Variants in CIITA observed in about 807,000 individuals in gnomAD.
CIITA encodes class II major histocompatibility complex transactivator.
A neutral mutation model predicts 115.1 loss-of-function variants in CIITA; 72 were observed. The observed-to-expected ratio is 0.63, with a 90% CI of 0.52 to 0.76. CIITA has a LOEUF of 0.76. Among genes scored for constraint, CIITA ranks in the 30% least tolerant of loss-of-function variants. CIITA has a pLI of 0.00. For synonymous variants in CIITA, 763 were observed against 635.6 expected (o/e 1.20, Z -3.02); for missense variants, 1,617 against 1,463.8 (o/e 1.10, Z -1.71).
At chr16:10,877,663 G>C (rs541186544) in intron 1 of CIITA, among the ~76,000 whole-genome samples, 3 of 152,298 alleles carry the variant, frequency 2.0e-5, no homozygotes, top group Admixed American at 1.3e-4. Context: ...CTAACTCTCA[G>C]CATGCTGGCC....
chr16:10,866,569 G>A (rs2035082806), intron 1 of CIITA: 1 of 537,920 alleles, frequency 1.9e-6, no homozygotes, highest in East Asian at 4.1e-5. Context: ...CAGTGACCAT[G>A]GTGGTAAGTT....
Position 10,903,908 on chromosome 16 carries a change from A to G in CIITA, c.937+13A>G, listed in dbSNP as rs368326140. The stretch of plus-strand genomic sequence containing the variant: ...GCAAACATGACAGGTAAGGACCCTT[A>G]GGGCCTGTGAGAGGTACTAGAAGCA... On this transcript the variant is annotated intron_variant, in intron 9 of 19. Coordinates refer to ENST00000324288, the MANE Select transcript of CIITA (RefSeq NM_000246.4). 10 of 1,614,062 alleles carry G rather than the reference A, an allele frequency of 6.2e-6. No homozygotes were observed. The highest frequency in any genetic ancestry group is 8.5e-6 in the Non-Finnish European group (10 of 1,180,034).
At position 10,909,083 on chromosome 16, in the gene CIITA, G is replaced by C; in HGVS notation, c.2712G>C (p.Glu904Asp). The change falls in exon 12 of 20, where the codon GAG (glutamate) becomes GAC (aspartate). Residue 904 changes from glutamate to aspartate, a missense_variant. By Grantham distance (45) the Glu-to-Asp change is conservative (BLOSUM62 2). Coordinates refer to ENST00000324288, the MANE Select transcript of CIITA (RefSeq NM_000246.4). ...ALWESLQQHG[E>D]TKLLQAAEEK... ...GGGAGTCCCTGCAGCAGCATGGGGA[G>C]ACCAAGCTACTTCAGGCAGCAGAGG... The C allele has an allele frequency of 1.2e-6, 2 of 1,614,126 alleles. No individual in the cohort carries two copies. Among genetic ancestry groups the C allele is most frequent in the Non-Finnish European group, 1.7e-6 (2 of 1,179,968 alleles).
At chr16:10,867,756 C>T (rs1330375563) in intron 1 of CIITA, among the ~76,000 whole-genome samples, 3 of 152,012 alleles carry the variant, frequency 2.0e-5, no homozygotes, top group Non-Finnish European at 2.9e-5. Flanking sequence ...TGTAATGTCA[C>T]AACTTTCTTT....
intron 1 of CIITA, among the ~76,000 whole-genome samples, chr16:10,892,922 C>T (rs1359714073): frequency 6.6e-6 from 1 of 152,002 alleles, no homozygotes; most frequent in South Asian, 2.1e-4. Context: ...ACAGAGCAAG[C>T]CTCTGTCTCA....
At chr16:10,939,210 A>G (rs778747099), downstream of CIITA, 6 of 152,232 alleles carry the variant, frequency 3.9e-5, no homozygotes, top group African/African-American at 9.7e-5. The surrounding 1 kb of genome is among the most constrained non-coding windows in gnomAD (Gnocchi z 4.9). Context: ...ATGTTTCTCT[A>G]TCTTCACTAA....
In CIITA at chr16:10,906,605, G is replaced by A; in HGVS notation, c.1113G>A (p.Glu371=). The A allele has an allele frequency of 6.2e-7, 1 of 1,613,878 alleles. No homozygotes were observed. The highest frequency in any genetic ancestry group is 1.1e-5 in the South Asian group (1 of 91,074). Reference sequence around the variant, plus strand: ...TGGATCTGGTGCAGGCCAGGCTGGAGAGGAGCAGCAGCAAGAGCCTGGAGC... The same window carrying A: ...TGGATCTGGTGCAGGCCAGGCTGGAAAGGAGCAGCAGCAAGAGCCTGGAGC... ...VEVDLVQARL[E]RSSSKSLERE... The change falls in exon 11 of 20, where the codon GAG becomes GAA. Residue 371 remains glutamate, a synonymous_variant. Coordinates refer to ENST00000324288, the MANE Select transcript of CIITA (RefSeq NM_000246.4).
In CIITA at chr16:10,924,890, C is replaced by A. The variant is rs1200607687; in HGVS notation, c.*1035C>A. On this transcript the variant is annotated 3_prime_UTR_variant, in exon 20 of 20. Coordinates refer to ENST00000324288, the MANE Select transcript of CIITA (RefSeq NM_000246.4). ...GGCAGGTCCAGGGTTTGAGTTCATA[C>A]CCTGTTACCATTTTGGGGTACCCAC... 6.6e-6 allele frequency: 1 copy of A among 152,232 alleles called. No homozygotes were observed. The highest frequency in any genetic ancestry group is 6.5e-5 in the Admixed American group (1 of 15,284). 9.4% of individuals were successfully genotyped at this position (152,232 alleles called of 1,614,324 possible).
chr16:10,903,894 A>T lies in CIITA; in HGVS notation c.936A>T (p.Thr312=). The part of the protein sequence containing the change: ...EPALTSRANM[T]EHKTSPTQCP... ...CCCTGACCTCCCGAGCAAACATGAC[A>T]GGTAAGGACCCTTAGGGCCTGTGAG... Residue 312 remains threonine, a splice_region_variant and synonymous_variant, in exon 9 of 20, where the codon ACA becomes ACT. Coordinates refer to ENST00000324288, the MANE Select transcript of CIITA (RefSeq NM_000246.4). 1 of 1,614,158 alleles carries T rather than the reference A, an allele frequency of 6.2e-7. No homozygotes were observed. Among genetic ancestry groups the T allele is most frequent in the Non-Finnish European group, 8.5e-7 (1 of 1,180,014 alleles).
At chr16:10,867,759 C>A (rs1038151889) in intron 1 of CIITA, among the ~76,000 whole-genome samples, 1 of 152,060 alleles carries the variant, frequency 6.6e-6, no homozygotes, top group African/African-American at 2.4e-5. Flanking sequence ...AATGTCACAA[C>A]TTTCTTTCTT....
rs1027888607 is a variant in CIITA, at chr16:10,879,542, G to A, written c.52+2160G>A. ...TCTCCAGGCGGGGGGCCCTGCTCAG[G>A]GAGGCAGTAGGGAGCCAAACCTTTA... is the stretch of plus-strand genomic sequence containing the variant. On this transcript the variant is annotated intron_variant, in intron 1 of 19. Coordinates refer to ENST00000324288, the MANE Select transcript of CIITA (RefSeq NM_000246.4). This position sits in a 1 kb window ranked among gnomAD's most constrained non-coding sequence, Gnocchi z 4.3. Among the ~76,000 whole-genome samples the A allele has an allele frequency of 2.6e-5, 4 of 152,148 alleles. No homozygotes were observed. The highest frequency in any genetic ancestry group is 9.7e-5 in the African/African-American group (4 of 41,444).
intron 1 of CIITA, among the ~76,000 whole-genome samples, chr16:10,894,864 T>C (rs111541117): frequency 2.0e-5 from 3 of 152,346 alleles, no homozygotes; most frequent in East Asian, 3.9e-4. Context: ...TTTTCTCATA[T>C]GCAAAGTGAG....
upstream of CIITA, among the ~76,000 whole-genome samples, chr16:10,872,996 A>G (rs1281770223): frequency 6.6e-6 from 1 of 152,188 alleles, no homozygotes; most frequent in Non-Finnish European, 1.5e-5. Context: ...TTTTTGAGAC[A>G]GGGTCTTGCT....
intron 11 of CIITA, 87 bp downstream of exon 11, chr16:10,908,236 C>G (rs2039315884): frequency 6.9e-7 from 1 of 1,459,522 alleles, no homozygotes; most frequent in Non-Finnish European, 9.4e-7. Context: ...TGTGGGGTCT[C>G]TTTTAGTATG....
intron 1 of CIITA, among the ~76,000 whole-genome samples, chr16:10,877,606 A>G (rs571896991): frequency 6.6e-6 from 1 of 152,300 alleles, no homozygotes; most frequent in African/African-American, 2.4e-5. Flanking sequence ...TGAACCATGT[A>G]TCAGCACCGA....
Position 10,918,504 on chromosome 16 carries a change from G to A in CIITA, c.3127G>A (p.Ala1043Thr), listed in dbSNP as rs1216256055. The A allele has an allele frequency of 6.8e-6, 11 of 1,613,948 alleles. No homozygotes were observed. The highest frequency in any genetic ancestry group is 6.8e-6 in the Non-Finnish European group (8 of 1,180,012). The change falls in exon 16 of 20, where the codon GCT (alanine) becomes ACT (threonine). Residue 1043 changes from alanine (A) to threonine (T), a missense_variant. Coordinates refer to ENST00000324288, the MANE Select transcript of CIITA (RefSeq NM_000246.4). The stretch of plus-strand genomic sequence containing the variant: ...ACTCGCCGAGGCCCTGCCTTCGCTC[G>A]CTGCATCCCTGCTCAGGCTAAGGTG... Reference protein sequence around the residue: ...YKLAEALPSLAASLLRLSLYN... With the variant: ...YKLAEALPSLTASLLRLSLYN...
At position 10,902,195 on chromosome 16, in the gene CIITA, G is replaced by T; in HGVS notation, c.628+11G>T. The T allele has an allele frequency of 6.2e-7, 1 of 1,614,028 alleles. No individual in the cohort carries two copies. ...CCGACCAGATTCCCAGTATGTTAGG[G>T]GGCTTGGAGAGAGTGGGCTTTCTCC... On this transcript the variant is annotated intron_variant, in intron 7 of 19. Transcript: ENST00000324288.
chr16:10,918,536 GC>G lies in CIITA; in HGVS notation c.3149+14del. Reference sequence around the variant, plus strand: ...CCCTGCTCAGGCTAAGGTGAGTGGGGCCCCGGATACCGGTCAGGTGCTGAGC... The same window carrying G: ...CCCTGCTCAGGCTAAGGTGAGTGGGGCCCGGATACCGGTCAGGTGCTGAGC... On this transcript the variant is annotated intron_variant, in intron 16 of 19. Transcript: ENST00000324288. The G allele has an allele frequency of 4.3e-6, 7 of 1,613,550 alleles. No individual in the cohort carries two copies. Among genetic ancestry groups the G allele is most frequent in the Non-Finnish European group, 5.9e-6 (7 of 1,179,776 alleles).
In CIITA at chr16:10,933,224, T is replaced by C. The variant is rs1284803680; in HGVS notation, c.*9369T>C. ...AGGACGTGGCTGGCTGGCTGGTTTC[T>C]GTAGTCAGAATGACAGTTGGGTGCT... is the stretch of plus-strand genomic sequence containing the variant. On this transcript the variant is annotated 3_prime_UTR_variant, in exon 20 of 20. Coordinates refer to ENST00000324288, the MANE Select transcript of CIITA (RefSeq NM_000246.4). 3 of 152,278 alleles carry C rather than the reference T, an allele frequency of 2.0e-5. No individual in the cohort carries two copies. Among genetic ancestry groups the C allele is most frequent in the Non-Finnish European group, 4.4e-5 (3 of 68,096 alleles). 9.4% of individuals were successfully genotyped at this position (152,278 alleles called of 1,614,324 possible).
Sources: allele counts gnomAD v4.1 joint callset (sites outside exome capture counted in the v4.1 genomes callset), GRCh38; gene constraint gnomAD v4.1.1; non-coding constraint Gnocchi (gnomAD v3.1); transcripts MANE v1.5; gene names NCBI Gene and HGNC (gene_info 2026-07-23, HGNC 2026-07-21).